The following ZNF827 variants were observed in gnomAD, a reference collection of about 807,000 sequenced individuals.
ZNF827 encodes zinc finger protein 827.
Under a neutral mutation model 102.4 loss-of-function variants are expected in ZNF827, and 13 were observed. That is an observed-to-expected ratio of 0.13 (90% confidence interval 0.08 to 0.20). The LOEUF is 0.20. ZNF827 is among the 10% of genes least tolerant of loss of function. ZNF827 has a pLI of 1.00. For missense variants in ZNF827, 1,103 were observed against 1,344.4 expected, an observed-to-expected ratio of 0.82 and a Z score of 2.81; for synonymous variants, 523 against 536.2, an observed-to-expected ratio of 0.98 and a Z score of 0.34.
chr4:145,937,656 A>G (rs1361871602), intron 1 of ZNF827, among the ~76,000 whole-genome samples: 1 of 132,378 alleles, frequency 7.6e-6, no homozygotes. Flanking sequence ...CGGTGCCCCT[A>G]CACCCTCCCC....
rs1333003556 is a variant in ZNF827, at chr4:145,774,793, C to T, written c.2694-121G>A. On this transcript the variant is annotated intron_variant, in intron 10 of 14. Coordinates refer to ENST00000508784, the MANE Select transcript of ZNF827 (RefSeq NM_001306215.2). Reference sequence around the variant, plus strand: ...ACTGGAATTTGAAACACATTTGTCTCTCCACCAAAAGGTTTTGCATTAGAA... The same window carrying T: ...ACTGGAATTTGAAACACATTTGTCTTTCCACCAAAAGGTTTTGCATTAGAA... 6.1e-6 allele frequency: 7 copies of T among 1,153,608 alleles called. No individual in the cohort carries two copies. The East Asian group carries it at 1.8e-4, about 30-fold the overall frequency. The allele number at this position is 1,153,608 out of a possible 1,614,324, so 71.5% of individuals were successfully genotyped here.
intron 1 of ZNF827, among the ~76,000 whole-genome samples, chr4:145,907,539 C>T (rs1025811387): frequency 3.3e-5 from 5 of 152,172 alleles, no homozygotes; most frequent in Non-Finnish European, 7.3e-5. Context: ...TCCAGTCTGC[C>T]AACCAGCGCA....
rs1262806786 is a variant in ZNF827 at position 145,759,522 on chromosome 4, G to T, written c.*2094C>A. ...TGGAGGATACCACGATTAGCCAGAA[G>T]ATCGGCAAAACACAATGGAAACTTG... On this transcript the variant is annotated 3_prime_UTR_variant, in exon 15 of 15. Coordinates refer to ENST00000508784, the MANE Select transcript of ZNF827 (RefSeq NM_001306215.2). 1 of 152,172 alleles carries T rather than the reference G, an allele frequency of 6.6e-6. No individual in the cohort carries two copies. Among genetic ancestry groups the T allele is most frequent in the East Asian group, 1.9e-4 (1 of 5,202 alleles). 9.4% of individuals were successfully genotyped at this position (152,172 alleles called of 1,614,324 possible).
At chr4:145,775,136 C>T (rs1736860730) in intron 10 of ZNF827, among the ~76,000 whole-genome samples, 3 of 152,260 alleles carry the variant, frequency 2.0e-5, no homozygotes, top group Admixed American at 2.0e-4. Context: ...TGTTGTATGG[C>T]ACTCCAAGCA....
intron 5 of ZNF827, among the ~76,000 whole-genome samples, chr4:145,862,088 C>A (rs1381068582): frequency 6.6e-6 from 1 of 152,126 alleles, no homozygotes; most frequent in Non-Finnish European, 1.5e-5. Flanking sequence ...GCAGCAGGAG[C>A]CATTCAGGTG....
chr4:145,836,675 C>T (rs1202811147), intron 7 of ZNF827, among the ~76,000 whole-genome samples: 1 of 151,936 alleles, frequency 6.6e-6, no homozygotes, highest in African/African-American at 2.4e-5. Flanking sequence ...ACATTCACCC[C>T]ATTTCCCCAA....
At chr4:145,793,987 C>T (rs895427354) in intron 8 of ZNF827, among the ~76,000 whole-genome samples, 1 of 152,152 alleles carries the variant, frequency 6.6e-6, no homozygotes, top group East Asian at 1.9e-4. Context: ...TCACCTCATC[C>T]CCCTGCCTCC....
intron 7 of ZNF827, among the ~76,000 whole-genome samples, chr4:145,825,901 A>G (rs1308403414): frequency 6.6e-6 from 1 of 152,246 alleles, no homozygotes; most frequent in Non-Finnish European, 1.5e-5. Flanking sequence ...CTGAGGGAGC[A>G]GAGAATTAGA....
At chr4:145,914,957 C>G (rs568326315) in intron 1 of ZNF827, among the ~76,000 whole-genome samples, 2 of 152,332 alleles carry the variant, frequency 1.3e-5, no homozygotes, top group South Asian at 4.1e-4. Context: ...TGCTTCTTGT[C>G]TTAGCTGATT....
intron 8 of ZNF827, among the ~76,000 whole-genome samples, chr4:145,802,658 T>C (rs888332975): frequency 6.6e-6 from 1 of 152,204 alleles, no homozygotes; most frequent in Non-Finnish European, 1.5e-5. Flanking sequence ...AACCAACATT[T>C]TTTAAAAGGG....
intron 5 of ZNF827, among the ~76,000 whole-genome samples, chr4:145,853,707 G>A (rs575563405): frequency 8.6e-4 from 131 of 152,292 alleles, no homozygotes; most frequent in African/African-American, 3.1e-3. Flanking sequence ...GGCTGGGTCT[G>A]TAATCCCAGT....
Position 145,772,390 on chromosome 4 carries a change from T to G in ZNF827, c.2860+2116A>C, listed in dbSNP as rs564983578. ...AACTTACTAATTTACAGATTTAGAT[T>G]GATCTATTTTGGGTCAAACTGAAAC... On this transcript the variant is annotated intron_variant, in intron 11 of 14. Coordinates refer to ENST00000508784, the MANE Select transcript of ZNF827 (RefSeq NM_001306215.2). Among the ~76,000 whole-genome samples the G allele has an allele frequency of 3.9e-5, 6 of 152,354 alleles. No homozygotes were observed. The East Asian group carries it at 1.2e-3, about 29-fold the overall frequency.
chr4:145,832,203 T>C, intron 7 of ZNF827: 1 of 152,430 alleles, frequency 6.6e-6, no homozygotes, highest in Admixed American at 6.5e-5. Flanking sequence ...AGGTAGAGGC[T>C]GCAGTGAGTG....
Position 145,938,636 on chromosome 4 carries a change from T to A in ZNF827, c.-229A>T, listed in dbSNP as rs1334545289. On this transcript the variant is annotated 5_prime_UTR_variant, in exon 1 of 15. Transcript: ENST00000508784. ...TTTCTTTTTTCCTTTTTTTTTTTTT[T>A]TTAAATTTTTGGTCGTGCACCTGGC... is the stretch of plus-strand genomic sequence containing the variant. 1.8e-6 allele frequency: 1 copy of A among 553,882 alleles called. No individual in the cohort carries two copies. The highest frequency in any genetic ancestry group is 1.9e-5 in the African/African-American group (1 of 52,766). 34.3% of individuals were successfully genotyped at this position (553,882 alleles called of 1,614,324 possible). A position where few individuals can be genotyped will look rare whatever the true frequency, so the allele number is the denominator to read the frequency against.
chr4:145,886,181 G>A, intron 3 of ZNF827, 23 bp from the exon 4 acceptor site: 3 of 1,562,538 alleles, frequency 1.9e-6, no homozygotes, highest in Non-Finnish European at 2.6e-6. Context: ...CAAGAAGAAT[G>A]AGCTAGCCAC....
chr4:145,876,365 T>C (rs1455744091), intron 4 of ZNF827: 1 of 152,216 alleles, frequency 6.6e-6, no homozygotes, highest in South Asian at 2.1e-4. Context: ...AAAAAAACAA[T>C]TTCTCTAGAC....
chr4:145,894,146 G>A (rs1198049472), intron 2 of ZNF827, among the ~76,000 whole-genome samples: 1 of 152,166 alleles, frequency 6.6e-6, no homozygotes, highest in Non-Finnish European at 1.5e-5. Flanking sequence ...TATATACATG[G>A]AAGTATTTAC....
At chr4:145,771,994 A>G (rs1173577170) in intron 11 of ZNF827, among the ~76,000 whole-genome samples, 2 of 152,212 alleles carry the variant, frequency 1.3e-5, no homozygotes, top group Non-Finnish European at 2.9e-5. Context: ...CTGAGGTCCT[A>G]CATTCACAAT....
intron 8 of ZNF827, among the ~76,000 whole-genome samples, chr4:145,811,937 C>T (rs1215612777): frequency 2.0e-5 from 3 of 148,982 alleles, no homozygotes; most frequent in Admixed American, 1.4e-4. Context: ...TTTTCTGAGA[C>T]GGACTCTCAC....
Sources: gnomAD v4.1 joint callset for allele counts (sites outside exome capture counted in the v4.1 genomes callset) on GRCh38, gnomAD v4.1.1 for gene constraint, MANE v1.5 for transcripts, NCBI Gene and HGNC (gene_info 2026-07-23, HGNC 2026-07-21) for gene names.